Variants in MLIP observed in about 807,000 individuals in gnomAD.
MLIP encodes muscular LMNA interacting protein.
MLIP carries 79 observed loss-of-function variants against 84.8 expected under a neutral mutation model. That is an observed-to-expected ratio of 0.93 (90% CI 0.78 to 1.12). MLIP has a LOEUF of 1.12. MLIP is among the 50% of genes most tolerant of loss of function. The pLI, the probability that MLIP is intolerant of heterozygous loss-of-function variation, is 0.00. For synonymous variants in MLIP, 504 were observed against 463.0 expected, an observed-to-expected ratio of 1.09 and a Z score of -1.14; for missense variants, 1,257 against 1,160.6, an observed-to-expected ratio of 1.08 and a Z score of -1.21.
intron 1 of MLIP, among the ~76,000 whole-genome samples, chr6:54,081,396 T>C (rs1387242927): frequency 1.3e-5 from 2 of 151,806 alleles, no homozygotes; most frequent in East Asian, 3.9e-4. Flanking sequence ...TCCACATATT[T>C]TTTTTTTGTT....
chr6:54,042,925 G>A (rs1386383397), intron 1 of MLIP, among the ~76,000 whole-genome samples: 4 of 152,156 alleles, frequency 2.6e-5, no homozygotes, highest in Non-Finnish European at 4.4e-5. Context: ...GGGAGGTAGG[G>A]AAGGAACCAC....
At chr6:54,126,836 A>T (rs1358207805) in intron 3 of MLIP, among the ~76,000 whole-genome samples, 2 of 152,088 alleles carry the variant, frequency 1.3e-5, no homozygotes, top group African/African-American at 4.8e-5. Context: ...GGTGAAAATG[A>T]ATCCATATAT....
intron 1 of MLIP, chr6:54,019,146 G>A: frequency 6.4e-7 from 1 of 1,566,676 alleles, no homozygotes; most frequent in Non-Finnish European, 8.8e-7. Context: ...CAGGGTAGTA[G>A]AGCAACTGTC....
chr6:54,034,351 GA>G (rs1764306211), intron 1 of MLIP, among the ~76,000 whole-genome samples: 1 of 152,044 alleles, frequency 6.6e-6, no homozygotes, highest in Non-Finnish European at 1.5e-5. Flanking sequence ...CTAAATAAAT[GA>G]AATTTTGCAG....
intron 11 of MLIP, among the ~76,000 whole-genome samples, chr6:54,222,718 T>C (rs184257201): frequency 6.6e-6 from 1 of 152,206 alleles, no homozygotes. Context: ...TGATTTAATT[T>C]CCTTTGATGA....
intron 3 of MLIP, among the ~76,000 whole-genome samples, chr6:54,127,495 T>C (rs1320124601): frequency 6.6e-6 from 1 of 152,132 alleles, no homozygotes; most frequent in East Asian, 1.9e-4. Context: ...GTTCTCTCAG[T>C]GAAAGCAATC....
intron 12 of MLIP, among the ~76,000 whole-genome samples, chr6:54,248,043 T>C (rs999961949): frequency 6.6e-6 from 1 of 152,068 alleles, no homozygotes; most frequent in Non-Finnish European, 1.5e-5. Flanking sequence ...TTGGATGGGA[T>C]TAACGCAGGG....
chr6:54,231,223 T>C (rs1163839969), intron 12 of MLIP, among the ~76,000 whole-genome samples: 1 of 152,170 alleles, frequency 6.6e-6, no homozygotes, highest in Non-Finnish European at 1.5e-5. Context: ...CCTCACAAAA[T>C]GCCATTATTA....
At chr6:54,166,896 C>T (rs997478420) in intron 8 of MLIP, among the ~76,000 whole-genome samples, 4 of 151,844 alleles carry the variant, frequency 2.6e-5, no homozygotes, top group Non-Finnish European at 2.9e-5. Context: ...AAAATGATTC[C>T]ATATGTTGCC....
Position 54,136,913 on chromosome 6 carries a change from G to A in MLIP, c.844G>A (p.Ala282Thr), listed in dbSNP as rs1478524689. 1.3e-6 allele frequency: 2 copies of A among 1,535,542 alleles called. No homozygotes were observed. Among genetic ancestry groups the A allele is most frequent in the South Asian group, 2.4e-5 (2 of 84,002 alleles). Residue 282 changes from alanine to threonine, a missense_variant, in exon 4 of 14, where the codon GCT (alanine) becomes ACT (threonine). Ala to Thr is a moderately conservative substitution (Grantham distance 58). Transcript: ENST00000502396. ...ATCAGCTACGTATTTTCAAACTACC[G>A]CTCACTCTACACCCTTTTCTGCATC... ...EESATYFQTT[A>T]HSTPFSASKG...
At chr6:54,147,596 G>C (rs777882773) in intron 4 of MLIP, among the ~76,000 whole-genome samples, 31 of 152,274 alleles carry the variant, frequency 2.0e-4, no homozygotes, top group Middle Eastern at 3.4e-3. Context: ...ATATGGAGGA[G>C]AGAAAGTGGA....
chr6:54,059,528 T>G (rs531879041), intron 1 of MLIP, among the ~76,000 whole-genome samples: 81 of 152,138 alleles, frequency 5.3e-4, no homozygotes, highest in Non-Finnish European at 1.3e-4. Context: ...TTGATGACAA[T>G]TCATACAATT....
chr6:54,085,487 T>C (rs1326260817), intron 1 of MLIP, among the ~76,000 whole-genome samples: 2 of 152,204 alleles, frequency 1.3e-5, no homozygotes, highest in Non-Finnish European at 2.9e-5. Flanking sequence ...ACTTTGTGTT[T>C]ATCATGATAT....
At chr6:54,023,171 A>AG (rs1207908382) in intron 1 of MLIP, among the ~76,000 whole-genome samples, 30 of 32,270 alleles carry the variant, frequency 9.3e-4, no homozygotes, top group African/African-American at 2.5e-3. Flanking sequence ...CATCTCAAAA[A>AG]ATAATAATAA....
chr6:54,098,085 G>A (rs1357324098), intron 1 of MLIP, among the ~76,000 whole-genome samples: 1 of 151,746 alleles, frequency 6.6e-6, no homozygotes, highest in Non-Finnish European at 1.5e-5. Flanking sequence ...GAGTCATGGA[G>A]GAGAGACCTC....
upstream of MLIP, among the ~76,000 whole-genome samples, chr6:54,107,690 C>A (rs923879935): frequency 1.3e-5 from 2 of 152,216 alleles, no homozygotes; most frequent in African/African-American, 4.8e-5. Context: ...TGACTTCATT[C>A]ACTGCTCCCG....
intron 11 of MLIP, chr6:54,216,856 T>C (rs1779887792): frequency 1.0e-6 from 1 of 985,262 alleles, no homozygotes; most frequent in Non-Finnish European, 1.2e-6. Context: ...TCTTATTTCA[T>C]AGTAACATGA....
At chr6:54,099,985 T>G (rs969592987) in intron 1 of MLIP, among the ~76,000 whole-genome samples, 1 of 152,130 alleles carries the variant, frequency 6.6e-6, no homozygotes, top group African/African-American at 2.4e-5. Context: ...AGTAATCGTT[T>G]TTATGAAATT....
intron 9 of MLIP, among the ~76,000 whole-genome samples, chr6:54,172,788 T>C (rs1562013724): frequency 6.6e-6 from 1 of 151,664 alleles, no homozygotes; most frequent in Admixed American, 6.6e-5. Flanking sequence ...GCACGTATTG[T>C]GACATTTCAT....
Sources: gnomAD v4.1 joint callset for allele counts (sites outside exome capture counted in the v4.1 genomes callset) on GRCh38, gnomAD v4.1.1 for gene constraint, MANE v1.5 for transcripts, NCBI Gene and HGNC (gene_info 2026-07-23, HGNC 2026-07-21) for gene names.